CDH4: variants seen among roughly 807,000 people sequenced by gnomAD.
CDH4 encodes the protein cadherin 4.
Under a neutral mutation model 86.0 loss-of-function variants are expected in CDH4, and 33 were observed. The ratio of observed to expected loss-of-function variants is 0.38; its 90% confidence interval spans 0.29 to 0.51. The LOEUF is 0.51. CDH4 is among the 20% of genes least tolerant of loss of function. The pLI, the probability that CDH4 is intolerant of heterozygous loss-of-function variation, is 0.86. For missense variants in CDH4, 1,114 were observed against 1,307.4 expected (o/e 0.85, Z 2.28); for synonymous variants, 555 against 549.4 (o/e 1.01, Z -0.14).
chr20:61,912,608 T>G (rs892041487), intron 9 of CDH4, among the ~76,000 whole-genome samples: 1 of 152,242 alleles, frequency 6.6e-6, no homozygotes, highest in Non-Finnish European at 1.5e-5. Context: ...GAAAGTAAAT[T>G]AGCATGTCAC....
At chr20:61,354,172 G>GC in intron 2 of CDH4, among the ~76,000 whole-genome samples, 2 of 152,062 alleles carry the variant, frequency 1.3e-5, no homozygotes, top group East Asian at 2.0e-4. Flanking sequence ...TGCTTAGGAC[G>GC]CCCCCCACCC....
chr20:61,502,648 T>A (rs2145602555), intron 2 of CDH4, among the ~76,000 whole-genome samples: 1 of 152,306 alleles, frequency 6.6e-6, no homozygotes, highest in East Asian at 1.9e-4. Context: ...GTGAGACTCA[T>A]ATTTAGCTGT....
intron 3 of CDH4, among the ~76,000 whole-genome samples, chr20:61,766,824 G>A (rs867195395): frequency 6.6e-6 from 1 of 152,116 alleles, no homozygotes; most frequent in African/African-American, 2.4e-5. Flanking sequence ...TCACCCTTCA[G>A]TGCCCTGACC....
At chr20:61,379,994 T>TAC (rs10632548) in intron 2 of CDH4, among the ~76,000 whole-genome samples, 4 of 86,870 alleles carry the variant, frequency 4.6e-5, no homozygotes, top group African/African-American at 1.1e-4. Context: ...CAGACTTTTT[T>TAC]TACAAAGACT....
chr20:61,370,578 A>G (rs1448524689), intron 2 of CDH4: 2 of 152,252 alleles, frequency 1.3e-5, no homozygotes, highest in East Asian at 3.8e-4. Flanking sequence ...GATTCAAGCC[A>G]GCACTGCCAG....
chr20:61,426,004 A>G (rs1325252614), intron 2 of CDH4, among the ~76,000 whole-genome samples: 1 of 152,280 alleles, frequency 6.6e-6, no homozygotes, highest in Non-Finnish European at 1.5e-5. Context: ...GGCAGTTCAC[A>G]TGCAACAAAT....
In CDH4 at chr20:61,577,361, G is replaced by C. The variant is rs188272510; in HGVS notation, c.170-166202G>C. On this transcript the variant is annotated intron_variant, in intron 2 of 15. Coordinates refer to ENST00000614565, the MANE Select transcript of CDH4 (RefSeq NM_001794.5). ...GTGTTGAAGGATGAGTGGATGTTTT[G>C]TGTGTTGAAGGATGAGTGGATGTTT... Among the ~76,000 whole-genome samples, 1,258 of 152,110 alleles carry C rather than the reference G, an allele frequency of 8.3e-3. 17 individuals are homozygous for C. Among genetic ancestry groups the C allele is most frequent in the African/African-American group, 0.029 (1,210 of 41,414 alleles).
At chr20:61,592,929 C>G (rs373735382) in intron 2 of CDH4, among the ~76,000 whole-genome samples, 1 of 152,060 alleles carries the variant, frequency 6.6e-6, no homozygotes, top group Non-Finnish European at 1.5e-5. Flanking sequence ...GTGGGGGTGA[C>G]GAAGTTTAGG....
At chr20:61,472,703 TG>T (rs1454017297) in intron 2 of CDH4, among the ~76,000 whole-genome samples, 2 of 152,234 alleles carry the variant, frequency 1.3e-5, no homozygotes, top group Non-Finnish European at 2.9e-5. Flanking sequence ...TTTTGATTTT[TG>T]CCACTTCTTG....
chr20:61,931,045 G>A (rs377207839), intron 13 of CDH4, among the ~76,000 whole-genome samples: 11 of 152,362 alleles, frequency 7.2e-5, no homozygotes, highest in African/African-American at 1.2e-4. Flanking sequence ...CCTGCTGCCC[G>A]GCTTCTGCCC....
intron 2 of CDH4, among the ~76,000 whole-genome samples, chr20:61,274,009 ACAGTTTGGGGGAGTACCGTGTG>A (rs1476671609): frequency 6.3e-5 from 5 of 79,154 alleles, no homozygotes; most frequent in African/African-American, 1.5e-4. Context: ...AGCACCATGC[ACAGTTTGGGGGAGTACCGTGTG>A]CAGTTTGGGG....
At chr20:61,560,270 A>G (rs1287971571) in intron 2 of CDH4, among the ~76,000 whole-genome samples, 2 of 152,118 alleles carry the variant, frequency 1.3e-5, no homozygotes, top group African/African-American at 4.8e-5. Context: ...TTAAATTGCT[A>G]TTTTAGTTTC....
chr20:61,529,897 C>T (rs181715137), intron 2 of CDH4, among the ~76,000 whole-genome samples: 109 of 152,156 alleles, frequency 7.2e-4, no homozygotes, highest in African/African-American at 2.6e-3. Flanking sequence ...GAGTGCAGTG[C>T]CACAATCTTG....
At chr20:61,443,616 C>T (rs1012679481) in intron 2 of CDH4, among the ~76,000 whole-genome samples, 2 of 152,194 alleles carry the variant, frequency 1.3e-5, no homozygotes, top group African/African-American at 4.8e-5. Context: ...CCATTATTTT[C>T]GCAAGGAAAG....
At chr20:61,722,036 C>T (rs1195120374) in intron 2 of CDH4, among the ~76,000 whole-genome samples, 3 of 152,098 alleles carry the variant, frequency 2.0e-5, no homozygotes, top group African/African-American at 4.8e-5. Flanking sequence ...ACCTCACCGT[C>T]CAATGTGAGA....
Position 61,721,180 on chromosome 20 carries a change from C to T in CDH4, c.170-22383C>T, listed in dbSNP as rs374394766. On this transcript the variant is annotated intron_variant, in intron 2 of 15. Coordinates refer to ENST00000614565, the MANE Select transcript of CDH4 (RefSeq NM_001794.5). ...CCTCCAGGATGAGTATGTCTCTTCT[C>T]AGCAGCCAGAAGGGTCCAGTCCAGA... is the stretch of plus-strand genomic sequence containing the variant. Among the ~76,000 whole-genome samples the T allele has an allele frequency of 1.4e-3, 217 of 152,298 alleles. 2 individuals are homozygous for T. Among genetic ancestry groups the T allele is most frequent in the African/African-American group, 5.0e-3 (208 of 41,574 alleles).
At chr20:61,790,179 TCATC>T (rs1230880516) in intron 4 of CDH4, among the ~76,000 whole-genome samples, 4 of 151,278 alleles carry the variant, frequency 2.6e-5, no homozygotes, top group African/African-American at 4.9e-5. Flanking sequence ...CGTCATCCAT[TCATC>T]CATCCATCCA....
At chr20:61,406,594 G>A (rs1341884631) in intron 2 of CDH4, among the ~76,000 whole-genome samples, 1 of 141,762 alleles carries the variant, frequency 7.1e-6, no homozygotes, top group East Asian at 2.2e-4. Context: ...GCTCTGCCCA[G>A]ACCACCATCT....
chr20:61,701,612 C>A (rs1057283064), intron 2 of CDH4, among the ~76,000 whole-genome samples: 1 of 152,130 alleles, frequency 6.6e-6, no homozygotes, highest in Non-Finnish European at 1.5e-5. Context: ...GCCAGCACAG[C>A]GGGTCTACGG....
Sources: allele counts gnomAD v4.1 joint callset (sites outside exome capture counted in the v4.1 genomes callset), GRCh38; gene constraint gnomAD v4.1.1; transcripts MANE v1.5; gene names NCBI Gene and HGNC (gene_info 2026-07-23, HGNC 2026-07-21).